The following TPO variants were observed in gnomAD, a reference collection of about 807,000 sequenced individuals.
TPO encodes the protein thyroid microsomal antigen.
A neutral mutation model predicts 96.9 loss-of-function variants in TPO; 78 were observed. The observed-to-expected ratio is 0.81, with a 90% CI of 0.67 to 0.97. The LOEUF is 0.97. Among genes scored for constraint, TPO ranks in the 50% least tolerant of loss-of-function variants. TPO has a pLI of 0.00. For missense variants in TPO, 1,252 were observed against 1,274.8 expected, an observed-to-expected ratio of 0.98 and a Z score of 0.27; for synonymous variants, 547 against 538.0, an observed-to-expected ratio of 1.02 and a Z score of -0.23.
At chr2:1,461,302 C>T (rs1186001965) in intron 7 of TPO, among the ~76,000 whole-genome samples, 5 of 152,256 alleles carry the variant, frequency 3.3e-5, no homozygotes, top group Non-Finnish European at 4.4e-5. Flanking sequence ...TGGCTGCGTT[C>T]GTATAAAGAT....
At chr2:1,461,915 G>C (rs1668480891) in intron 7 of TPO, among the ~76,000 whole-genome samples, 1 of 152,196 alleles carries the variant, frequency 6.6e-6, no homozygotes, top group Non-Finnish European at 1.5e-5. Context: ...CCCCCGCAGA[G>C]GTTCCGGGGG....
chr2:1,442,984 A>G (rs1666339287), intron 5 of TPO, among the ~76,000 whole-genome samples: 1 of 152,196 alleles, frequency 6.6e-6, no homozygotes, highest in Non-Finnish European at 1.5e-5. Flanking sequence ...GCCTGTAAAG[A>G]CAGCACTTTC....
intron 1 of TPO, among the ~76,000 whole-genome samples, chr2:1,395,269 C>T (rs1456521360): frequency 6.6e-6 from 1 of 152,086 alleles, no homozygotes; most frequent in Non-Finnish European, 1.5e-5. Context: ...AACCAGCCAG[C>T]CACACTGTAA....
intron 7 of TPO, among the ~76,000 whole-genome samples, chr2:1,475,367 G>C (rs533466513): frequency 1.3e-5 from 2 of 150,756 alleles, no homozygotes; most frequent in South Asian, 2.1e-4. Flanking sequence ...TACTCACCTC[G>C]TCTACTCTAA....
intron 4 of TPO, among the ~76,000 whole-genome samples, chr2:1,434,052 T>G (rs2148492867): frequency 6.6e-6 from 1 of 152,220 alleles, no homozygotes; most frequent in Middle Eastern, 3.4e-3. Context: ...CCAGGACATT[T>G]GAGAGCCAAT....
chr2:1,507,291 G>A lies in TPO; in HGVS notation c.2518+3212G>A, dbSNP rs1208723271. Among the ~76,000 whole-genome samples the A allele has an allele frequency of 2.0e-5, 3 of 152,288 alleles. No individual in the cohort carries two copies. In the East Asian group the frequency reaches 5.8e-4, roughly 29 times the overall value. On this transcript the variant is annotated intron_variant, in intron 14 of 16. Transcript: ENST00000329066. ...ATGCTGTTTTGGTTACTGTAGCCTT[G>A]TAGTATAGTTTGAAGTCAGGTAGTG...
intron 15 of TPO, among the ~76,000 whole-genome samples, chr2:1,521,472 A>AGGACCCTCCTCCCCAG (rs964867450): frequency 6.6e-6 from 1 of 152,016 alleles, no homozygotes; most frequent in Non-Finnish European, 1.5e-5. Flanking sequence ...CTCTTCCCCC[A>AGGACCCTCCTCCCCAG]GGACCCTCCT....
chr2:1,480,559 TACACACACACACACACACACAC>T (rs3036105), intron 8 of TPO, among the ~76,000 whole-genome samples: 9 of 44,344 alleles, frequency 2.0e-4, no homozygotes, highest in African/African-American at 4.8e-4. Flanking sequence ...TCAAACCCCC[TACACACACACACACACACACAC>T]ACACACACAC....
chr2:1,479,169 T>C (rs1183564832), intron 8 of TPO, among the ~76,000 whole-genome samples: 1 of 152,226 alleles, frequency 6.6e-6, no homozygotes, highest in Non-Finnish European at 1.5e-5. Context: ...CTCGTCTCCA[T>C]GAGTCTGGAC....
At chr2:1,438,876 C>T in intron 5 of TPO, 1 of 717,592 alleles carries the variant, frequency 1.4e-6, no homozygotes, top group South Asian at 1.5e-5. Context: ...AACTAGGAAC[C>T]TTCCAGCAGG....
chr2:1,415,331 C>G (rs950924124), intron 2 of TPO, among the ~76,000 whole-genome samples: 1 of 141,880 alleles, frequency 7.0e-6, no homozygotes, highest in African/African-American at 2.6e-5. Flanking sequence ...TGCACACAGT[C>G]CCGGGGCCCC....
At chr2:1,438,541 C>T (rs1200935853) in intron 5 of TPO, among the ~76,000 whole-genome samples, 1 of 152,094 alleles carries the variant, frequency 6.6e-6, no homozygotes, top group Admixed American at 6.5e-5. Flanking sequence ...TCTGATGGCT[C>T]TCCCTACGGA....
intron 7 of TPO, among the ~76,000 whole-genome samples, chr2:1,460,216 A>G (rs1668291751): frequency 6.6e-6 from 1 of 152,116 alleles, no homozygotes; most frequent in Non-Finnish European, 1.5e-5. Context: ...GATTACAGGT[A>G]TGAGCCACTG....
chr2:1,441,236 G>A (rs776054100), intron 5 of TPO, among the ~76,000 whole-genome samples: 6 of 151,994 alleles, frequency 3.9e-5, no homozygotes, highest in Non-Finnish European at 5.9e-5. Context: ...AGGAGCTACC[G>A]TGTTGGAAGG....
chr2:1,477,695 C>T (rs921059228), intron 8 of TPO, 91 bp downstream of exon 8: 41 of 1,390,076 alleles, frequency 2.9e-5, no homozygotes, highest in Admixed American at 6.1e-5. Context: ...TTCTCTCTCC[C>T]AGGTACTTGC....
chr2:1,408,983 G>T (rs534540841), upstream of TPO, among the ~76,000 whole-genome samples: 22 of 152,300 alleles, frequency 1.4e-4, no homozygotes, highest in South Asian at 4.4e-3. Flanking sequence ...CGATGGCATG[G>T]GTCCCTGGTC....
intron 13 of TPO, 106 bp downstream of exon 13, chr2:1,496,871 C>T: frequency 6.5e-7 from 1 of 1,530,718 alleles, no homozygotes; most frequent in South Asian, 1.1e-5. Context: ...GCTTCTGAAA[C>T]TGTTATCTTC....
At chr2:1,453,936 T>C (rs1667553733) in intron 6 of TPO, 113 bp downstream of exon 6, 22 of 1,481,166 alleles carry the variant, frequency 1.5e-5, no homozygotes, top group Non-Finnish European at 2.0e-5. Flanking sequence ...GTGCAATCCC[T>C]TCAGATCCTC....
intron 14 of TPO, among the ~76,000 whole-genome samples, chr2:1,508,562 A>C (rs1226009626): frequency 1.3e-5 from 2 of 152,168 alleles, no homozygotes; most frequent in East Asian, 1.9e-4. Flanking sequence ...TCAATTTCAG[A>C]GCCTGTTATT....
Sources: allele counts gnomAD v4.1 joint callset (sites outside exome capture counted in the v4.1 genomes callset), GRCh38; gene constraint gnomAD v4.1.1; transcripts MANE v1.5; gene names NCBI Gene and HGNC (gene_info 2026-07-23, HGNC 2026-07-21).